Variants in LOC128125817 observed in about 807,000 individuals in gnomAD.
chr1:41,593,867 G>A, the LOC128125817 span, among the ~76,000 whole-genome samples: 1 of 152,274 alleles, frequency 6.6e-6, no homozygotes, highest in African/African-American at 2.4e-5. Context: ...TTTCTTTCTG[G>A]GGGCCCTAGA....
chr1:41,594,026 T>C, the LOC128125817 span, among the ~76,000 whole-genome samples: 1 of 152,124 alleles, frequency 6.6e-6, no homozygotes, highest in African/African-American at 2.4e-5. Flanking sequence ...CCTCTCTCCC[T>C]CTCCTAAGGA....
the LOC128125817 span, among the ~76,000 whole-genome samples, chr1:41,624,206 C>A: frequency 6.6e-6 from 1 of 152,188 alleles, no homozygotes; most frequent in Non-Finnish European, 1.5e-5. Context: ...GCATCCGTGG[C>A]CCCTCCATTA....
the LOC128125817 span, among the ~76,000 whole-genome samples, chr1:41,586,970 G>A: frequency 6.6e-6 from 1 of 152,074 alleles, no homozygotes; most frequent in African/African-American, 2.4e-5. Context: ...GATAAAAAGA[G>A]TACTGCTATA....
the LOC128125817 span, among the ~76,000 whole-genome samples, chr1:41,595,208 G>A: frequency 1.3e-5 from 2 of 152,248 alleles, no homozygotes; most frequent in African/African-American, 4.8e-5. Context: ...TTGCTTCCAG[G>A]TTTCTAGCCT....
At chr1:41,590,252 C>A in the LOC128125817 span, among the ~76,000 whole-genome samples, 1 of 152,246 alleles carries the variant, frequency 6.6e-6, no homozygotes, top group South Asian at 2.1e-4. Flanking sequence ...CAAGGCGGAG[C>A]TCTGGCTGGG....
At chr1:41,599,836 A>T in the LOC128125817 span, among the ~76,000 whole-genome samples, 1 of 152,214 alleles carries the variant, frequency 6.6e-6, no homozygotes, top group Non-Finnish European at 1.5e-5. Context: ...CTGATAAGGG[A>T]TTAACATGCA....
the LOC128125817 span, among the ~76,000 whole-genome samples, chr1:41,611,664 T>C: frequency 6.6e-6 from 1 of 152,218 alleles, no homozygotes; most frequent in South Asian, 2.1e-4. Flanking sequence ...CAGCCTTTAA[T>C]CAAGGAAGCA....
At chr1:41,625,781 TAA>T in the LOC128125817 span, among the ~76,000 whole-genome samples, 1 of 152,172 alleles carries the variant, frequency 6.6e-6, no homozygotes, top group South Asian at 2.1e-4. Context: ...TAAATTAGAC[TAA>T]GTCTAAATGG....
the LOC128125817 span, among the ~76,000 whole-genome samples, chr1:41,599,159 G>A: frequency 6.6e-6 from 1 of 152,120 alleles, no homozygotes; most frequent in Non-Finnish European, 1.5e-5. Context: ...GATAGAGAAA[G>A]TAATGGTCTT....
At chr1:41,626,055 C>A in the LOC128125817 span, among the ~76,000 whole-genome samples, 1 of 152,212 alleles carries the variant, frequency 6.6e-6, no homozygotes, top group Non-Finnish European at 1.5e-5. Flanking sequence ...TCAGAAAGCA[C>A]ATTTATTCTG....
At chr1:41,612,545 CAG>C in the LOC128125817 span, among the ~76,000 whole-genome samples, 2 of 152,180 alleles carry the variant, frequency 1.3e-5, no homozygotes, top group East Asian at 1.9e-4. Flanking sequence ...GATGAGGAAA[CAG>C]AGGTTCAGAG....
At chr1:41,611,886 G>A in the LOC128125817 span, among the ~76,000 whole-genome samples, 1 of 152,184 alleles carries the variant, frequency 6.6e-6, no homozygotes, top group African/African-American at 2.4e-5. Context: ...CCGGTTGCCT[G>A]AGGTCGGCTC....
the LOC128125817 span, among the ~76,000 whole-genome samples, chr1:41,600,992 A>G: frequency 6.6e-6 from 1 of 152,184 alleles, no homozygotes; most frequent in Non-Finnish European, 1.5e-5. Context: ...CAGTTTTCCC[A>G]GCACCATTTA....
At chr1:41,620,986 G>A in the LOC128125817 span, among the ~76,000 whole-genome samples, 1 of 152,168 alleles carries the variant, frequency 6.6e-6, no homozygotes, top group South Asian at 2.1e-4. Context: ...TCCATAACTG[G>A]TCAGCCCCAC....
the LOC128125817 span, among the ~76,000 whole-genome samples, chr1:41,589,529 G>A: frequency 2.6e-5 from 4 of 152,332 alleles, no homozygotes; most frequent in East Asian, 1.9e-4. Context: ...CTTCTGTATC[G>A]AAGGCGTCAG....
the LOC128125817 span, among the ~76,000 whole-genome samples, chr1:41,594,142 T>C: frequency 2.6e-5 from 4 of 152,260 alleles, no homozygotes; most frequent in African/African-American, 9.6e-5. Context: ...ACATATTCAG[T>C]TTCCAGGGTT....
the LOC128125817 span, among the ~76,000 whole-genome samples, chr1:41,612,221 G>T: frequency 1.3e-5 from 2 of 152,122 alleles, no homozygotes; most frequent in African/African-American, 4.8e-5. Flanking sequence ...TGTCACCACT[G>T]CCAGTTTCTC....
At chr1:41,628,603 C>T in the LOC128125817 span, 3 of 646,266 alleles carry the variant, frequency 4.6e-6, no homozygotes, top group Admixed American at 8.7e-5. Flanking sequence ...ACTTTCACAA[C>T]AACTTTCACA....
the LOC128125817 span, among the ~76,000 whole-genome samples, chr1:41,608,740 A>G: frequency 3.3e-5 from 5 of 152,156 alleles, no homozygotes; most frequent in Non-Finnish European, 5.9e-5. Context: ...ATGACTTCCT[A>G]TCTTGTTTTC....
Sources: gnomAD v4.1 joint callset for allele counts (sites outside exome capture counted in the v4.1 genomes callset) on GRCh38, gnomAD v4.1.1 for gene constraint, MANE v1.5 for transcripts.